The following ABCC2 variants were observed in gnomAD, a reference collection of about 807,000 sequenced individuals.
ABCC2 encodes the protein ATP-binding cassette sub-family C member 2.
ABCC2 carries 157 observed loss-of-function variants against 173.4 expected under a neutral mutation model. The ratio of observed to expected loss-of-function variants is 0.91; its 90% confidence interval spans 0.80 to 1.03. ABCC2 has a LOEUF of 1.03. Among genes scored for constraint, ABCC2 ranks in the 50% least tolerant of loss-of-function variants. ABCC2 has a pLI of 0.00. For synonymous variants in ABCC2, 657 were observed against 693.5 expected (o/e 0.95, Z 0.83); for missense variants, 1,822 against 1,852.3 (o/e 0.98, Z 0.30).
intron 19 of ABCC2, among the ~76,000 whole-genome samples, chr10:99,828,344 GAGA>G (rs1385830383): frequency 6.6e-6 from 1 of 152,098 alleles, no homozygotes; most frequent in Admixed American, 6.5e-5. Flanking sequence ...GTGGAATGAA[GAGA>G]AGGGCAGGAG....
chr10:99,814,236 TATATGC>T (rs1169751686), intron 16 of ABCC2, among the ~76,000 whole-genome samples: 1,086 of 73,818 alleles, frequency 0.015, 61 homozygotes, highest in Non-Finnish European at 0.02. Flanking sequence ...CACATGTGTA[TATATGC>T]ACACACGTAT....
chr10:99,796,753 AG>A (rs2037920319), intron 6 of ABCC2, among the ~76,000 whole-genome samples: 1 of 152,198 alleles, frequency 6.6e-6, no homozygotes, highest in Non-Finnish European at 1.5e-5. Flanking sequence ...AAGATGCCAC[AG>A]GGGCTGCTTT....
chr10:99,786,317 A>G (rs1175876729), intron 2 of ABCC2, among the ~76,000 whole-genome samples: 1 of 152,172 alleles, frequency 6.6e-6, no homozygotes, highest in African/African-American at 2.4e-5. Flanking sequence ...AAGGAAAGAA[A>G]CATATGTTAG....
chr10:99,784,546 G>A, intron 1 of ABCC2, 62 bp from the exon 2 acceptor site: 1 of 1,540,772 alleles, frequency 6.5e-7, no homozygotes. Context: ...GGGATGTGCT[G>A]CAGGGTGGTT....
intron 17 of ABCC2, among the ~76,000 whole-genome samples, chr10:99,818,377 A>G (rs1195492593): frequency 1.3e-5 from 2 of 152,198 alleles, no homozygotes; most frequent in Admixed American, 1.3e-4. Flanking sequence ...TGGGGAACAA[A>G]AATCTTGAGA....
chr10:99,819,159 GAAC>G lies in ABCC2; in HGVS notation c.2513_2515del (p.Thr838del). The G allele has an allele frequency of 6.2e-7, 1 of 1,614,140 alleles. No homozygotes were observed. Among genetic ancestry groups the G allele is most frequent in the Non-Finnish European group, 8.5e-7 (1 of 1,180,006 alleles). ...GATGAGATTGTAGTTCTGGGGAATG[GAAC>G]AATTGTAGAGAAAGGATCCTACAGT... is the stretch of plus-strand genomic sequence containing the variant. On this transcript the variant is annotated inframe_deletion, in exon 19 of 32. Transcript: ENST00000647814.
At chr10:99,832,891 G>A (rs1212782446) in intron 23 of ABCC2, among the ~76,000 whole-genome samples, 2 of 152,236 alleles carry the variant, frequency 1.3e-5, no homozygotes, top group Non-Finnish European at 2.9e-5. Flanking sequence ...TGAATGTGAA[G>A]ATCATAGATG....
At chr10:99,829,436 A>G (rs2038700737) in intron 19 of ABCC2, among the ~76,000 whole-genome samples, 1 of 118,474 alleles carries the variant, frequency 8.4e-6, no homozygotes, top group Non-Finnish European at 1.7e-5. Context: ...AGAGCTCTGA[A>G]AAAGTTGACT....
chr10:99,813,285 C>A, intron 16 of ABCC2, 141 bp downstream of exon 16: 3 of 1,190,736 alleles, frequency 2.5e-6, no homozygotes, highest in Non-Finnish European at 3.6e-6. Flanking sequence ...TGTGATTCTC[C>A]TTCCCATTTC....
chr10:99,845,777 C>T lies in ABCC2; in HGVS notation c.4141C>T (p.Pro1381Ser), dbSNP rs766603723. The T allele has an allele frequency of 1.9e-6, 3 of 1,610,922 alleles. No homozygotes were observed. The highest frequency in any genetic ancestry group is 1.7e-5 in the Admixed American group (1 of 59,580). ...CCTCCGAGAGAAGCTGACCATCATC[C>T]CCCAGGTGAGCTCTAGAACTTACTC... Reference protein sequence around the residue: ...HDLREKLTIIPQDPILFSGSL... With the variant: ...HDLREKLTIISQDPILFSGSL... Residue 1381 changes from proline to serine, a missense_variant, in exon 29 of 32, where the codon CCC (proline) becomes TCC (serine). By Grantham distance (74) the Pro-to-Ser change is moderately conservative. Coordinates refer to ENST00000647814, the MANE Select transcript of ABCC2 (RefSeq NM_000392.5).
Position 99,821,311 on chromosome 10 carries a change from A to G in ABCC2, c.2620+2042A>G, listed in dbSNP as rs146919688. On this transcript the variant is annotated intron_variant, in intron 19 of 31. Transcript: ENST00000647814. ...CATTGCCCAGGAACGGGCAGGAGAT[A>G]GATGCCTTCCTCTTGTCTCAACTGC... 9.8e-3 allele frequency among the ~76,000 whole-genome samples: 1,499 copies of G among 152,268 alleles called. 23 individuals are homozygous for G. The highest frequency in any genetic ancestry group is 0.041 in the Middle Eastern group (12 of 294).
At chr10:99,830,647 C>T (rs2038722655) in intron 20 of ABCC2, 69 bp from the exon 21 acceptor site, 1 of 1,609,138 alleles carries the variant, frequency 6.2e-7, no homozygotes, top group Non-Finnish European at 8.5e-7. Context: ...AGCTGAGTGA[C>T]TGTGACATCT....
At chr10:99,847,918 AAAACAAAC>A (rs112361790) in intron 30 of ABCC2, among the ~76,000 whole-genome samples, 12 of 152,040 alleles carry the variant, frequency 7.9e-5, no homozygotes, top group South Asian at 2.1e-4. Flanking sequence ...ACTCCATCTC[AAAACAAAC>A]AAACAAACAA....
intron 27 of ABCC2, 23 bp from the exon 28 acceptor site, chr10:99,844,299 T>C (rs1391140900): frequency 1.2e-6 from 2 of 1,613,984 alleles, no homozygotes; most frequent in South Asian, 1.1e-5. Flanking sequence ...TAAAACTTAC[T>C]TCTCATCTTG....
At chr10:99,849,627 C>A (rs962318617) in intron 30 of ABCC2, among the ~76,000 whole-genome samples, 3 of 152,202 alleles carry the variant, frequency 2.0e-5, no homozygotes, top group African/African-American at 7.2e-5. Context: ...CAGTCTGTTA[C>A]TCTAAAGTCC....
intron 17 of ABCC2, 83 bp downstream of exon 17, chr10:99,817,567 G>T: frequency 6.9e-7 from 1 of 1,449,312 alleles, no homozygotes; most frequent in South Asian, 1.2e-5. Flanking sequence ...ACTACACAGG[G>T]GTAATCTAGT....
Position 99,818,828 on chromosome 10 carries a change from C to G in ABCC2, c.2310C>G (p.Ser770Arg), listed in dbSNP as rs763861644. Residue 770 changes from serine to arginine, a missense_variant, in exon 18 of 32, where the codon AGC (serine) becomes AGG (arginine). Transcript: ENST00000647814. ...NLSGGQKQRISLARATYQNLD... is the reference protein window; with the variant it reads ...NLSGGQKQRIRLARATYQNLD... ...GTGGGGGTCAGAAGCAGCGGATCAG[C>G]CTGGCCAGAGCTACCTACCAAAATT... 1.2e-6 allele frequency: 2 copies of G among 1,614,142 alleles called. No individual in the cohort carries two copies. The highest frequency in any genetic ancestry group is 1.7e-6 in the Non-Finnish European group (2 of 1,180,034).
rs781211523 is a variant in ABCC2, at chr10:99,807,513, C to T, written c.1660C>T (p.Pro554Ser). 2 of 1,614,120 alleles carry T rather than the reference C, an allele frequency of 1.2e-6. No homozygotes were observed. The highest frequency in any genetic ancestry group is 1.7e-6 in the Non-Finnish European group (2 of 1,179,978). The change falls in exon 12 of 32, where the codon CCA becomes TCA. Residue 554 changes from proline (P) to serine (S), a missense_variant. By Grantham distance (74) the Pro-to-Ser change is moderately conservative (BLOSUM62 -1). Transcript: ENST00000647814. ...CVVIFVFQLT[P>S]VLVSVVTFSV... ...AGTAATATTCGTCTTCCAGTTAACT[C>T]CAGTCCTGGTGAGTAGCAGAGGGGT... is the stretch of plus-strand genomic sequence containing the variant.
intron 19 of ABCC2, among the ~76,000 whole-genome samples, chr10:99,824,179 A>G (rs2038587575): frequency 6.6e-6 from 1 of 152,138 alleles, no homozygotes; most frequent in Non-Finnish European, 1.5e-5. Flanking sequence ...ATAGAGAACA[A>G]ATTTGACATG....
Sources: gnomAD v4.1 joint callset for allele counts (sites outside exome capture counted in the v4.1 genomes callset) on GRCh38, gnomAD v4.1.1 for gene constraint, MANE v1.5 for transcripts, NCBI Gene and HGNC (gene_info 2026-07-23, HGNC 2026-07-21) for gene names.